SCHIP1: variants seen among roughly 807,000 people sequenced by gnomAD.
The protein encoded by SCHIP1 is schwannomin interacting protein 1.
In SCHIP1, 8 loss-of-function variants were observed where a neutral mutation model predicts 29.7. The observed-to-expected ratio is 0.27, with a 90% CI of 0.16 to 0.49. SCHIP1 has a LOEUF of 0.49. Among genes scored for constraint, SCHIP1 ranks in the 20% least tolerant of loss-of-function variants. The pLI is 0.99. For missense variants in SCHIP1, 193 were observed against 294.6 expected, an observed-to-expected ratio of 0.66 and a Z score of 2.52; for synonymous variants, 76 against 94.9, an observed-to-expected ratio of 0.80 and a Z score of 1.16.
At chr3:159,459,064 T>G in the SCHIP1 span, among the ~76,000 whole-genome samples, 1 of 152,202 alleles carries the variant, frequency 6.6e-6, no homozygotes, top group African/African-American at 2.4e-5. Context: ...TATTTGATGA[T>G]TCAAAGAAGA....
chr3:159,443,148 C>T, the SCHIP1 span, among the ~76,000 whole-genome samples: 117 of 152,192 alleles, frequency 7.7e-4, no homozygotes, highest in African/African-American at 2.6e-3. Context: ...TGTGAGACTG[C>T]GATTCTCTCT....
chr3:159,776,290 T>C, the SCHIP1 span, among the ~76,000 whole-genome samples: 1 of 152,050 alleles, frequency 6.6e-6, no homozygotes, highest in African/African-American at 2.4e-5. Context: ...TTTGACCTAG[T>C]CTGACATTTT....
At chr3:159,842,872 C>T (rs1260051293) in intron 1 of SCHIP1, among the ~76,000 whole-genome samples, 2 of 151,816 alleles carry the variant, frequency 1.3e-5, no homozygotes, top group Non-Finnish European at 2.9e-5. Context: ...CTTATATTGT[C>T]GCCTCTACCC....
chr3:159,351,746 G>A, the SCHIP1 span, among the ~76,000 whole-genome samples: 212 of 152,156 alleles, frequency 1.4e-3, no homozygotes, highest in African/African-American at 4.8e-3. Context: ...ACAGCAAGAC[G>A]GGTAGATAAA....
chr3:159,660,614 G>T, the SCHIP1 span, among the ~76,000 whole-genome samples: 1 of 152,130 alleles, frequency 6.6e-6, no homozygotes, highest in African/African-American at 2.4e-5. Flanking sequence ...GTGCAGCAAA[G>T]AATGTTTTTT....
the SCHIP1 span, among the ~76,000 whole-genome samples, chr3:159,392,949 C>T: frequency 5.3e-5 from 8 of 152,204 alleles, no homozygotes; most frequent in African/African-American, 1.2e-4. Flanking sequence ...AGTGTTCCTA[C>T]CTCTCCACGT....
chr3:159,332,820 A>G, the SCHIP1 span, among the ~76,000 whole-genome samples: 2 of 152,222 alleles, frequency 1.3e-5, no homozygotes, highest in African/African-American at 4.8e-5. Context: ...ATTTTCACAC[A>G]TCACTGATTG....
the SCHIP1 span, among the ~76,000 whole-genome samples, chr3:159,367,047 A>G: frequency 1.3e-5 from 2 of 152,190 alleles, no homozygotes; most frequent in Non-Finnish European, 2.9e-5. Context: ...CTGAAGACCT[A>G]TGAAAATGTA....
At chr3:159,454,880 C>T in the SCHIP1 span, among the ~76,000 whole-genome samples, 39 of 152,276 alleles carry the variant, frequency 2.6e-4, no homozygotes, top group African/African-American at 4.3e-4. Context: ...ATTTGTATAT[C>T]GTGTATTTAA....
chr3:159,455,849 C>T, the SCHIP1 span, among the ~76,000 whole-genome samples: 1 of 152,120 alleles, frequency 6.6e-6, no homozygotes, highest in East Asian at 1.9e-4. Flanking sequence ...GTGAGACATC[C>T]TGGGCTGGTG....
chr3:159,354,279 T>A, the SCHIP1 span, among the ~76,000 whole-genome samples: 4 of 152,230 alleles, frequency 2.6e-5, no homozygotes, highest in African/African-American at 9.6e-5. Flanking sequence ...TGTAATCTTC[T>A]AATTCTGGCT....
the SCHIP1 span, among the ~76,000 whole-genome samples, chr3:159,757,125 C>G: frequency 6.6e-6 from 1 of 152,248 alleles, no homozygotes; most frequent in Non-Finnish European, 1.5e-5. Context: ...GCACCCCACT[C>G]TACTGGTACA....
chr3:159,572,102 GT>G, the SCHIP1 span, among the ~76,000 whole-genome samples: 1 of 152,098 alleles, frequency 6.6e-6, no homozygotes. Flanking sequence ...TTTTTGAAGG[GT>G]TTTTTTATGT....
chr3:159,765,339 A>G, the SCHIP1 span: 1 of 582,708 alleles, frequency 1.7e-6, no homozygotes, highest in Non-Finnish European at 2.8e-6. Flanking sequence ...GGTTTGCAGG[A>G]TGGGCGGAGA....
the SCHIP1 span, among the ~76,000 whole-genome samples, chr3:159,621,699 C>T: frequency 3.4e-3 from 521 of 151,450 alleles, no homozygotes; most frequent in African/African-American, 0.012. Context: ...GAGTTTCAGT[C>T]TTGTCACCCA....
the SCHIP1 span, among the ~76,000 whole-genome samples, chr3:159,339,756 T>C: frequency 2.0e-5 from 3 of 152,164 alleles, no homozygotes; most frequent in Admixed American, 6.6e-5. Flanking sequence ...CAGCTTCCTG[T>C]TAAACTTTTC....
the SCHIP1 span, among the ~76,000 whole-genome samples, chr3:159,562,609 G>A: frequency 1.3e-5 from 2 of 152,192 alleles, no homozygotes; most frequent in Non-Finnish European, 2.9e-5. Context: ...GCTACATTTA[G>A]CTGTATCCCA....
chr3:159,460,716 C>T, the SCHIP1 span, among the ~76,000 whole-genome samples: 5 of 152,108 alleles, frequency 3.3e-5, no homozygotes, highest in Admixed American at 6.6e-5. Flanking sequence ...AGTTCCACAT[C>T]CCAAGACCCC....
the SCHIP1 span, among the ~76,000 whole-genome samples, chr3:159,456,364 C>A: frequency 6.6e-6 from 1 of 152,114 alleles, no homozygotes; most frequent in South Asian, 2.1e-4. Flanking sequence ...ATATATCGAT[C>A]TTTTCATCTA....
Sources: allele counts gnomAD v4.1 joint callset (sites outside exome capture counted in the v4.1 genomes callset), GRCh38; gene constraint gnomAD v4.1.1; transcripts MANE v1.5; gene names NCBI Gene and HGNC (gene_info 2026-07-23, HGNC 2026-07-21).